TFCP2L1: variants seen among roughly 807,000 people sequenced by gnomAD.
TFCP2L1 encodes transcription factor CP2-like protein 1.
In TFCP2L1, 12 loss-of-function variants were observed where a neutral mutation model predicts 72.2. That is an observed-to-expected ratio of 0.17 (90% CI 0.11 to 0.27). The LOEUF (loss-of-function observed/expected upper bound fraction) is 0.27, where lower values mean the gene tolerates loss of function less well. TFCP2L1 is among the 10% of genes least tolerant of loss of function. The pLI is 1.00. For missense variants in TFCP2L1, 488 were observed against 624.6 expected, an observed-to-expected ratio of 0.78 and a Z score of 2.33; for synonymous variants, 260 against 251.0, an observed-to-expected ratio of 1.04 and a Z score of -0.34.
intron 2 of TFCP2L1, among the ~76,000 whole-genome samples, chr2:121,277,311 G>A (rs1687168216): frequency 6.6e-6 from 1 of 152,178 alleles, no homozygotes; most frequent in Non-Finnish European, 1.5e-5. Flanking sequence ...TCCAGCCTGG[G>A]CAACCCAAGC....
intron 2 of TFCP2L1, among the ~76,000 whole-genome samples, chr2:121,274,299 C>A (rs1344139976): frequency 3.3e-5 from 5 of 152,098 alleles, no homozygotes; most frequent in Non-Finnish European, 7.4e-5. Context: ...CAGCTTAATA[C>A]TGAGGATACA....
chr2:121,250,111 T>C (rs1025669901), intron 2 of TFCP2L1, among the ~76,000 whole-genome samples: 5 of 152,144 alleles, frequency 3.3e-5, no homozygotes, highest in Non-Finnish European at 7.3e-5. Flanking sequence ...AATGGCAGAA[T>C]GCAAAGCATG....
At chr2:121,282,299 C>A (rs1687279134) in intron 1 of TFCP2L1, among the ~76,000 whole-genome samples, 2 of 137,118 alleles carry the variant, frequency 1.5e-5, no homozygotes, top group African/African-American at 2.7e-5. Flanking sequence ...TCCTCCACCT[C>A]TTAACAAAAC....
At position 121,281,107 on chromosome 2, in the gene TFCP2L1, C is replaced by T; in HGVS notation, c.214+13G>A. 1 of 1,613,968 alleles carries T rather than the reference C, an allele frequency of 6.2e-7. No homozygotes were observed. The highest frequency in any genetic ancestry group is 8.5e-7 in the Non-Finnish European group (1 of 1,180,014). ...TCTGGGTTCCGCCCTGGCCCGGGGC[C>T]TCTGGCCACTACCTTGGTTGAGGTA... On this transcript the variant is annotated intron_variant, in intron 2 of 14. Transcript: ENST00000263707.
rs1158518149 is a variant in TFCP2L1 at position 121,285,193 on chromosome 2, C to T, written c.-84G>A. On this transcript the variant is annotated 5_prime_UTR_variant, in exon 1 of 15. Coordinates refer to ENST00000263707, the MANE Select transcript of TFCP2L1 (RefSeq NM_014553.3). ...CCGAGGACCCAGCGGCGGCTTCGCG[C>T]TCCGAACCCGCGGTGCCGGCCGGCT... 3 of 1,221,190 alleles carry T rather than the reference C, an allele frequency of 2.5e-6. No individual in the cohort carries two copies. Among genetic ancestry groups the T allele is most frequent in the Non-Finnish European group, 3.1e-6 (3 of 954,526 alleles). 75.6% of individuals were successfully genotyped at this position (1,221,190 alleles called of 1,614,324 possible).
rs957120531 is a variant in TFCP2L1, at chr2:121,220,315, C to T, written c.*4026G>A. ...TTTGTTTAGGACCCCAAGTCAAAGC[C>T]TCGACCTCCCCACCCCATCCTGTCC... On this transcript the variant is annotated 3_prime_UTR_variant, in exon 15 of 15. Coordinates refer to ENST00000263707, the MANE Select transcript of TFCP2L1 (RefSeq NM_014553.3). 1 of 152,282 alleles carries T rather than the reference C, an allele frequency of 6.6e-6. No homozygotes were observed. The highest frequency in any genetic ancestry group is 1.5e-5 in the Non-Finnish European group (1 of 68,152). The allele number at this position is 152,282 out of a possible 1,614,324, so 9.4% of individuals were successfully genotyped here.
intron 1 of TFCP2L1, among the ~76,000 whole-genome samples, chr2:121,283,784 C>T (rs960292340): frequency 2.0e-5 from 3 of 152,350 alleles, no homozygotes; most frequent in South Asian, 2.1e-4. Context: ...ACAACTAAAA[C>T]TTCAGTACAG....
At chr2:121,249,775 G>A in intron 2 of TFCP2L1, 128 bp from the exon 3 acceptor site, 1 of 896,076 alleles carries the variant, frequency 1.1e-6, no homozygotes, top group East Asian at 2.4e-5. Context: ...GCAAAGCAGA[G>A]AAGAAAACCC....
chr2:121,262,352 C>T (rs533872068), intron 2 of TFCP2L1, among the ~76,000 whole-genome samples: 9 of 152,208 alleles, frequency 5.9e-5, no homozygotes, highest in Admixed American at 5.9e-4. Flanking sequence ...GTAACCCTAG[C>T]TACTCGGGAG....
chr2:121,248,858 T>G (rs1275025404), intron 4 of TFCP2L1, 124 bp downstream of exon 4: 4 of 666,308 alleles, frequency 6.0e-6, no homozygotes, highest in Non-Finnish European at 9.5e-6. Flanking sequence ...CCCGCGGGGT[T>G]TTACACAGAG....
chr2:121,225,819 C>T (rs1242824455), intron 13 of TFCP2L1, among the ~76,000 whole-genome samples: 25 of 133,468 alleles, frequency 1.9e-4, no homozygotes, highest in African/African-American at 4.0e-4. Context: ...CCACGGTGCC[C>T]ACACACACGG....
chr2:121,269,918 A>AAAAAAAAAAAAAAAAAAAAATATAT, intron 2 of TFCP2L1, among the ~76,000 whole-genome samples: 4 of 115,180 alleles, frequency 3.5e-5, no homozygotes, highest in Non-Finnish European at 6.6e-5. Flanking sequence ...AAAAAAAAAA[A>AAAAAAAAAAAAAAAAAAAAATATAT]ATATATATAT....
chr2:121,275,033 TA>T lies in TFCP2L1; in HGVS notation c.214+6086del, dbSNP rs1350268886. Among the ~76,000 whole-genome samples the T allele has an allele frequency of 2.6e-5, 4 of 152,110 alleles. No homozygotes were observed. The East Asian group carries it at 7.7e-4, about 29-fold the overall frequency. ...CAGACACTAAAACAATTACACTGTA[TA>T]TTTTTTCCAGCAGTTATGACAATAT... On this transcript the variant is annotated intron_variant, in intron 2 of 14. Transcript: ENST00000263707.
chr2:121,243,928 C>G lies in TFCP2L1; in HGVS notation c.658-1459G>C, dbSNP rs903441932. ...TCTTCCGTGGAAAAACGGTCTTCCA[C>G]AGAACCAGTCCCTGGTGCCAAAAAG... is the stretch of plus-strand genomic sequence containing the variant. On this transcript the variant is annotated intron_variant, in intron 6 of 14. Coordinates refer to ENST00000263707, the MANE Select transcript of TFCP2L1 (RefSeq NM_014553.3). 2.6e-5 allele frequency among the ~76,000 whole-genome samples: 4 copies of G among 152,326 alleles called. No individual in the cohort carries two copies. The South Asian group carries it at 6.2e-4, about 24-fold the overall frequency.
chr2:121,249,754 G>A (rs1215065033), intron 2 of TFCP2L1, 107 bp from the exon 3 acceptor site: 6 of 1,129,360 alleles, frequency 5.3e-6, no homozygotes, highest in Non-Finnish European at 7.9e-6. Context: ...CAGGCCTCAA[G>A]GCCCTGGGGA....
At chr2:121,242,202 A>G (rs1686387676) in intron 7 of TFCP2L1, among the ~76,000 whole-genome samples, 157 bp downstream of exon 7, 1 of 151,860 alleles carries the variant, frequency 6.6e-6, no homozygotes, top group African/African-American at 2.4e-5. Context: ...GTCTTATCAG[A>G]TGAACACGAG....
intron 1 of TFCP2L1, among the ~76,000 whole-genome samples, chr2:121,283,829 T>C (rs1020395449): frequency 5.9e-5 from 9 of 152,236 alleles, no homozygotes; most frequent in African/African-American, 9.6e-5. Context: ...TTCTTGCAAG[T>C]GAATGGACAC....
intron 6 of TFCP2L1, among the ~76,000 whole-genome samples, chr2:121,244,334 T>C (rs1456890625): frequency 2.0e-5 from 3 of 152,090 alleles, no homozygotes; most frequent in African/African-American, 7.2e-5. Context: ...TCCCAGTAAC[T>C]GGGGTGACCG....
At chr2:121,242,240 G>A in intron 7 of TFCP2L1, 119 bp downstream of exon 7, 1 of 832,980 alleles carries the variant, frequency 1.2e-6, no homozygotes, top group Non-Finnish European at 2.0e-6. Flanking sequence ...CACCACAACA[G>A]AATAAGCACT....
Sources: allele counts gnomAD v4.1 joint callset (sites outside exome capture counted in the v4.1 genomes callset), GRCh38; gene constraint gnomAD v4.1.1; transcripts MANE v1.5; gene names NCBI Gene and HGNC (gene_info 2026-07-23, HGNC 2026-07-21).